Variants in TET1 observed in about 807,000 individuals in gnomAD.
The protein encoded by TET1 is methylcytosine dioxygenase TET1.
Under a neutral mutation model 148.7 loss-of-function variants are expected in TET1, and 13 were observed. That is an observed-to-expected ratio of 0.09 (90% CI 0.06 to 0.14). TET1 has a LOEUF of 0.14. Among genes scored for constraint, TET1 ranks in the 10% least tolerant of loss-of-function variants. TET1 has a pLI of 1.00. For synonymous variants in TET1, 907 were observed against 937.2 expected (o/e 0.97, Z 0.59); for missense variants, 2,182 against 2,553.8 (o/e 0.85, Z 3.14).
In TET1 at chr10:68,691,142, G is replaced by C; in HGVS notation, c.5739G>C (p.Leu1913=). 6.2e-7 allele frequency: 1 copy of C among 1,614,132 alleles called. No individual in the cohort carries two copies. Among genetic ancestry groups the C allele is most frequent in the East Asian group, 2.2e-5 (1 of 44,870 alleles). The part of the protein sequence containing the change: ...QLGEVAPLPT[L]SAPVMEPLIN... ...GCGAAGTGGCTCCTCTCCCCACCCT[G>C]TCTGCTCCTGTGATGGAGCCCCTCA... The change falls in exon 12 of 12, where the codon CTG becomes CTC. Residue 1913 remains leucine, a synonymous_variant. Transcript: ENST00000373644. The surrounding 1 kb of genome is among the most constrained non-coding windows in gnomAD (Gnocchi z 4.4).
At chr10:68,682,779 G>A (rs2133224394) in intron 9 of TET1, 57 bp from the exon 10 acceptor site, 1 of 1,547,814 alleles carries the variant, frequency 6.5e-7, no homozygotes, top group African/African-American at 1.4e-5. Context: ...ACTCTTTACT[G>A]AAGGTAGGTG....
rs2055608668 is a variant in TET1, at chr10:68,692,618, A to G, written c.*804A>G. 8.6e-6 allele frequency: 2 copies of G among 232,302 alleles called. No individual in the cohort carries two copies. The highest frequency in any genetic ancestry group is 1.7e-5 in the Non-Finnish European group (2 of 117,348). 14.4% of individuals were successfully genotyped at this position (232,302 alleles called of 1,614,324 possible). A position where few individuals can be genotyped will look rare whatever the true frequency, so the allele number is the denominator to read the frequency against. The stretch of plus-strand genomic sequence containing the variant: ...GTGTTCTTTTACTGTGTCCTCTCAC[A>G]TTCAAGTATTAGCAACTTGCAGTAT... On this transcript the variant is annotated 3_prime_UTR_variant, in exon 12 of 12. Coordinates refer to ENST00000373644, the MANE Select transcript of TET1 (RefSeq NM_030625.3).
intron 6 of TET1, among the ~76,000 whole-genome samples, chr10:68,658,429 G>A (rs777632412): frequency 6.6e-6 from 1 of 151,978 alleles, no homozygotes. Flanking sequence ...GTGAGCCACC[G>A]CGACAGCCCT....
rs2055456786 is a variant in TET1, at chr10:68,682,977, T to G, written c.5052+4T>G. The G allele has an allele frequency of 6.2e-7, 1 of 1,612,590 alleles. No individual in the cohort carries two copies. On this transcript the variant is annotated splice_donor_region_variant and intron_variant, in intron 10 of 11. Transcript: ENST00000373644. ...CATGAATAATGGAAGCACTGTGGTATGTACCTGTGTGAATTTGTATTCTAA... is the reference window on the plus strand; with the variant it reads ...CATGAATAATGGAAGCACTGTGGTAGGTACCTGTGTGAATTTGTATTCTAA...
chr10:68,644,591 G>A, intron 3 of TET1, 107 bp from the exon 4 acceptor site: 3 of 1,080,916 alleles, frequency 2.8e-6, no homozygotes, highest in Non-Finnish European at 3.8e-6. Context: ...AATATTTTAG[G>A]CTGTATCCAC....
chr10:68,565,724 G>GT (rs1433465123), intron 1 of TET1, among the ~76,000 whole-genome samples: 2 of 152,090 alleles, frequency 1.3e-5, no homozygotes, highest in African/African-American at 4.8e-5. Context: ...TACTCCGTGA[G>GT]TTCGGCTCTT....
At chr10:68,643,810 C>A (rs1303552050) in intron 3 of TET1, among the ~76,000 whole-genome samples, 1 of 150,656 alleles carries the variant, frequency 6.6e-6, no homozygotes, top group Non-Finnish European at 1.5e-5. Context: ...AAGACCCCGT[C>A]TGAAAAAAAA....
chr10:68,618,230 T>C (rs1039957176), intron 3 of TET1, among the ~76,000 whole-genome samples: 2 of 152,178 alleles, frequency 1.3e-5, no homozygotes, highest in African/African-American at 4.8e-5. Context: ...ACTAGATCAA[T>C]ATCTGATTGC....
intron 2 of TET1, among the ~76,000 whole-genome samples, chr10:68,585,121 C>T (rs1345088309): frequency 6.6e-6 from 1 of 152,194 alleles, no homozygotes; most frequent in African/African-American, 2.4e-5. Context: ...TCTCCTGCCT[C>T]AGCCTCCCGA....
At chr10:68,611,320 T>C (rs1328694800) in intron 3 of TET1, among the ~76,000 whole-genome samples, 1 of 148,196 alleles carries the variant, frequency 6.7e-6, no homozygotes. Context: ...TTCCAAAAAA[T>C]GTGGATTTCA....
At chr10:68,608,928 C>T (rs900663080) in intron 3 of TET1, among the ~76,000 whole-genome samples, 5 of 151,982 alleles carry the variant, frequency 3.3e-5, no homozygotes, top group South Asian at 4.1e-4. Flanking sequence ...TGGATTCAAG[C>T]GATCTTCCTG....
intron 6 of TET1, among the ~76,000 whole-genome samples, chr10:68,659,568 C>T (rs892564116): frequency 6.6e-6 from 1 of 152,168 alleles, no homozygotes; most frequent in East Asian, 1.9e-4. Context: ...ATCCACCCAC[C>T]TTGGCCTCCC....
intron 3 of TET1, among the ~76,000 whole-genome samples, chr10:68,624,414 C>G (rs1392845778): frequency 6.6e-6 from 1 of 152,072 alleles, no homozygotes; most frequent in Admixed American, 6.6e-5. Context: ...CTCAGCCTTC[C>G]GAGTAGCTGG....
chr10:68,627,923 G>A (rs1008792950), intron 3 of TET1, among the ~76,000 whole-genome samples: 4 of 151,866 alleles, frequency 2.6e-5, no homozygotes, highest in African/African-American at 4.8e-5. Context: ...GCGGCTGAGC[G>A]AGACTATGTC....
At chr10:68,652,105 A>T (rs561472889) in intron 5 of TET1, among the ~76,000 whole-genome samples, 169 bp downstream of exon 5, 97 of 152,336 alleles carry the variant, frequency 6.4e-4, no homozygotes, top group Non-Finnish European at 1.0e-3. Flanking sequence ...CTACTGAGCC[A>T]CCCATCATAC....
Position 68,646,885 on chromosome 10 carries a change from T to G in TET1, c.4156T>G (p.Ser1386Ala). 1 of 1,614,178 alleles carries G rather than the reference T, an allele frequency of 6.2e-7. No individual in the cohort carries two copies. The highest frequency in any genetic ancestry group is 1.1e-5 in the South Asian group (1 of 91,082). Residue 1386 changes from serine (S) to alanine (A), a missense_variant, in exon 4 of 12, where the codon TCC becomes GCC. Physicochemically the swap from Ser to Ala is moderately conservative, Grantham distance 99. Coordinates refer to ENST00000373644, the MANE Select transcript of TET1 (RefSeq NM_030625.3). The part of the protein sequence containing the change: ...CSSSFGTSEF[S>A]TVDSAQKNFN... Reference sequence around the variant, plus strand: ...ATCCAGTTTTGGAACATCAGAATTTTCCACAGTGGACAGTGCACAGAAAAA... The same window carrying G: ...ATCCAGTTTTGGAACATCAGAATTTGCCACAGTGGACAGTGCACAGAAAAA...
chr10:68,643,391 C>T (rs1415041344), intron 3 of TET1, among the ~76,000 whole-genome samples: 3 of 151,940 alleles, frequency 2.0e-5, no homozygotes, highest in Non-Finnish European at 4.4e-5. Flanking sequence ...TGTATTTAAT[C>T]AGTGAACTTA....
At chr10:68,654,319 GA>G (rs2054988115) in intron 6 of TET1, among the ~76,000 whole-genome samples, 1 of 151,600 alleles carries the variant, frequency 6.6e-6, no homozygotes, top group Non-Finnish European at 1.5e-5. Context: ...AGAGTCAGTT[GA>G]AATTAAGGGG....
rs1167269535 is a variant in TET1 at position 68,565,222 on chromosome 10, G to C, written c.-123+4480G>C. The stretch of plus-strand genomic sequence containing the variant: ...CTGGACATGGTGGCCCACACCTGTA[G>C]TCCTAGCACTTTAAGAGGCTCAGGA... On this transcript the variant is annotated intron_variant, in intron 1 of 11. Transcript: ENST00000373644. 2.0e-5 allele frequency among the ~76,000 whole-genome samples: 3 copies of C among 152,006 alleles called. No homozygotes were observed. The East Asian group carries it at 5.8e-4, about 29-fold the overall frequency.
Sources: allele counts gnomAD v4.1 joint callset (sites outside exome capture counted in the v4.1 genomes callset), GRCh38; gene constraint gnomAD v4.1.1; non-coding constraint Gnocchi (gnomAD v3.1); transcripts MANE v1.5; gene names NCBI Gene and HGNC (gene_info 2026-07-23, HGNC 2026-07-21).